ZFYVE9: variants seen among roughly 807,000 people sequenced by gnomAD.
ZFYVE9 encodes the protein zinc finger FYVE domain-containing protein 9.
In ZFYVE9, 43 loss-of-function variants were observed where a neutral mutation model predicts 126.7. The observed-to-expected ratio is 0.34, with a 90% CI of 0.27 to 0.44. The LOEUF is 0.44. Ranked by LOEUF, ZFYVE9 falls within the 20% of genes least tolerant of loss-of-function variation. The probability of loss-of-function intolerance (pLI) is 1.00; values close to 1 mark genes in which losing one functional copy is unlikely to be tolerated. For synonymous variants in ZFYVE9, 521 were observed against 597.4 expected (o/e 0.87, Z 1.87); for missense variants, 1,476 against 1,697.0 (o/e 0.87, Z 2.29).
At chr1:52,269,794 G>T (rs561433853) in intron 7 of ZFYVE9, among the ~76,000 whole-genome samples, 29 of 144,004 alleles carry the variant, frequency 2.0e-4, no homozygotes, top group African/African-American at 6.1e-4. Flanking sequence ...GTTTGTTTTG[G>T]TTTTTTTTTT....
At chr1:52,322,341 A>C (rs1311418256) in intron 13 of ZFYVE9, among the ~76,000 whole-genome samples, 2 of 148,276 alleles carry the variant, frequency 1.3e-5, no homozygotes, top group Non-Finnish European at 3.0e-5. Context: ...TACCCTTGTC[A>C]GTCTGTTTTT....
chr1:52,343,124 G>A (rs1018515794), intron 17 of ZFYVE9, among the ~76,000 whole-genome samples: 6 of 150,640 alleles, frequency 4.0e-5, no homozygotes, highest in Non-Finnish European at 8.9e-5. Context: ...GGGTTTCACC[G>A]TGTTAGCCAG....
In ZFYVE9 at chr1:52,293,395, A is replaced by G. The variant is rs79237623; in HGVS notation, c.3026-58A>G. 923 of 1,318,708 alleles carry G rather than the reference A, an allele frequency of 7.0e-4. 2 individuals carry two copies. Among genetic ancestry groups the G allele is most frequent in the South Asian group, 2.2e-3 (140 of 63,806 alleles). The allele number at this position is 1,318,708 out of a possible 1,614,324, so 81.7% of individuals were successfully genotyped here. On this transcript the variant is annotated intron_variant, in intron 10 of 18. Coordinates refer to ENST00000287727, the MANE Select transcript of ZFYVE9 (RefSeq NM_004799.4). Reference sequence around the variant, plus strand: ...CCGTCTCAAAAAAAAAAAAAAAAAAAAAAGAAATATGATTAATTTATTGAT... The same window carrying G: ...CCGTCTCAAAAAAAAAAAAAAAAAAGAAAGAAATATGATTAATTTATTGAT...
chr1:52,175,875 G>T (rs1222305150), intron 1 of ZFYVE9, among the ~76,000 whole-genome samples: 1 of 152,052 alleles, frequency 6.6e-6, no homozygotes, highest in Non-Finnish European at 1.5e-5. Flanking sequence ...CTCTGTATTG[G>T]TTATTCTAGT....
intron 1 of ZFYVE9, among the ~76,000 whole-genome samples, chr1:52,213,280 T>G (rs912162044): frequency 3.3e-5 from 5 of 152,216 alleles, no homozygotes; most frequent in East Asian, 1.9e-4. Context: ...CAACTTTAAG[T>G]CTACTTTTAA....
At chr1:52,171,012 T>A (rs79502183) in intron 1 of ZFYVE9, among the ~76,000 whole-genome samples, 90 of 152,056 alleles carry the variant, frequency 5.9e-4, no homozygotes, top group African/African-American at 1.8e-3. Context: ...TTTTTTTTTT[T>A]AATTATACTT....
chr1:52,144,414 G>A (rs902663273), intron 1 of ZFYVE9, among the ~76,000 whole-genome samples: 6 of 152,048 alleles, frequency 3.9e-5, no homozygotes, highest in African/African-American at 1.4e-4. Context: ...AGTATTATAT[G>A]TAATATGCAG....
At chr1:52,247,068 A>T (rs1216341042) in intron 4 of ZFYVE9, among the ~76,000 whole-genome samples, 1 of 151,984 alleles carries the variant, frequency 6.6e-6, no homozygotes, top group African/African-American at 2.4e-5. Context: ...GGCTCAAGGG[A>T]TCCTCTTCAC....
At chr1:52,166,225 CT>C (rs1459457035) in intron 1 of ZFYVE9, among the ~76,000 whole-genome samples, 3 of 152,162 alleles carry the variant, frequency 2.0e-5, no homozygotes, top group Non-Finnish European at 4.4e-5. Flanking sequence ...TTTGGTATTG[CT>C]GCCTTGATTA....
chr1:52,184,324 A>G (rs1369185696), intron 1 of ZFYVE9, among the ~76,000 whole-genome samples: 2 of 148,664 alleles, frequency 1.3e-5, no homozygotes, highest in Non-Finnish European at 3.0e-5. Context: ...TCCTGGGTTC[A>G]AGTGATTCTT....
intron 1 of ZFYVE9, chr1:52,162,946 G>A (rs556324774): frequency 1.2e-5 from 6 of 494,014 alleles, no homozygotes; most frequent in South Asian, 1.1e-4. Context: ...TTTTACACAA[G>A]CAGGAGTTCC....
At chr1:52,305,849 CCAAT>C (rs1646079029) in intron 13 of ZFYVE9, among the ~76,000 whole-genome samples, 1 of 152,188 alleles carries the variant, frequency 6.6e-6, no homozygotes, top group Non-Finnish European at 1.5e-5. Context: ...AGCACCCACT[CCAAT>C]CTCAGAGCAA....
chr1:52,236,803 G>A (rs931016883), intron 3 of ZFYVE9, among the ~76,000 whole-genome samples: 1 of 152,100 alleles, frequency 6.6e-6, no homozygotes, highest in African/African-American at 2.4e-5. Flanking sequence ...TTTTTAACAT[G>A]TGTTGGGCAA....
At chr1:52,168,420 TTGGTCAGGC>T (rs1207513905) in intron 1 of ZFYVE9, among the ~76,000 whole-genome samples, 1 of 152,014 alleles carries the variant, frequency 6.6e-6, no homozygotes, top group African/African-American at 2.4e-5. Flanking sequence ...TTTCACCGTA[TTGGTCAGGC>T]TGGTCTCAAA....
At chr1:52,253,666 T>G (rs772135568) in intron 4 of ZFYVE9, 1 of 1,587,844 alleles carries the variant, frequency 6.3e-7, no homozygotes, top group Non-Finnish European at 8.6e-7. Flanking sequence ...CCCTGAGCAG[T>G]TGGAAAAGAC....
chr1:52,293,402 A>G lies in ZFYVE9; in HGVS notation c.3026-51A>G, dbSNP rs773648186. The G allele has an allele frequency of 3.0e-6, 4 of 1,322,758 alleles. No homozygotes were observed. The Admixed American group carries it at 7.2e-5, about 24-fold the overall frequency. The allele number at this position is 1,322,758 out of a possible 1,614,324, so 81.9% of individuals were successfully genotyped here. A position where few individuals can be genotyped will look rare whatever the true frequency, so the allele number is the denominator to read the frequency against. On this transcript the variant is annotated intron_variant, in intron 10 of 18. Coordinates refer to ENST00000287727, the MANE Select transcript of ZFYVE9 (RefSeq NM_004799.4). The stretch of plus-strand genomic sequence containing the variant: ...AAAAAAAAAAAAAAAAAAAAAAGAA[A>G]TATGATTAATTTATTGATACAAAGT...
At position 52,162,836 on chromosome 1, in the gene ZFYVE9, C is replaced by T. The variant is rs866452298; in HGVS notation, c.-143+20433C>T. 91 of 403,094 alleles carry T rather than the reference C, an allele frequency of 2.3e-4. 3 individuals are homozygous for T. The Middle Eastern group carries it at 0.011, about 50-fold the overall frequency. The allele number at this position is 403,094 out of a possible 1,614,324, so 25.0% of individuals were successfully genotyped here. On this transcript the variant is annotated intron_variant, in intron 1 of 18. Transcript: ENST00000287727. ...GGGATCTGGATCAAGTGTGTAACGTCGATGAGAATGCCTCCTTGACATTTT... is the reference window on the plus strand; with the variant it reads ...GGGATCTGGATCAAGTGTGTAACGTTGATGAGAATGCCTCCTTGACATTTT...
At chr1:52,257,572 G>T (rs1034051985) in intron 4 of ZFYVE9, among the ~76,000 whole-genome samples, 4 of 152,168 alleles carry the variant, frequency 2.6e-5, no homozygotes, top group South Asian at 2.1e-4. Flanking sequence ...TAACCATTAG[G>T]CATAAAAATC....
chr1:52,338,408 C>T (rs779297066), intron 16 of ZFYVE9, among the ~76,000 whole-genome samples: 7 of 152,156 alleles, frequency 4.6e-5, no homozygotes, highest in African/African-American at 7.2e-5. Flanking sequence ...TCTCAGTGTT[C>T]GGCAACTCTA....
Sources: allele counts gnomAD v4.1 joint callset (sites outside exome capture counted in the v4.1 genomes callset), GRCh38; gene constraint gnomAD v4.1.1; transcripts MANE v1.5; gene names NCBI Gene and HGNC (gene_info 2026-07-23, HGNC 2026-07-21).